The following ETS1 variants were observed in gnomAD, a reference collection of about 807,000 sequenced individuals.
ETS1 encodes the protein protein C-ets-1.
Under a neutral mutation model 58.6 loss-of-function variants are expected in ETS1, and 15 were observed. The ratio of observed to expected loss-of-function variants is 0.26; its 90% CI spans 0.17 to 0.39. ETS1 has a LOEUF of 0.39. ETS1 is among the 10% of genes least tolerant of loss of function. The pLI, the probability that ETS1 is intolerant of heterozygous loss-of-function variation, is 1.00. For missense variants in ETS1, 417 were observed against 610.5 expected, an observed-to-expected ratio of 0.68 and a Z score of 3.34; for synonymous variants, 214 against 218.2, an observed-to-expected ratio of 0.98 and a Z score of 0.17.
At chr11:128,576,680 C>A (rs140598254) in intron 1 of ETS1, among the ~76,000 whole-genome samples, 1 of 151,836 alleles carries the variant, frequency 6.6e-6, no homozygotes, top group Non-Finnish European at 1.5e-5. Context: ...CTTGCTGTGC[C>A]CCCCCATGCT....
In ETS1 at chr11:128,572,992, A is replaced by T. The variant is rs1219381636; in HGVS notation, c.69+70T>A. ...GCTTCTCTGTCTACTGGGGGTCAGG[A>T]TACAGGAAGCACAAGGAGGAGGGGA... is the stretch of plus-strand genomic sequence containing the variant. On this transcript the variant is annotated intron_variant, in intron 2 of 9. Coordinates refer to ENST00000392668, the MANE Select transcript of ETS1 (RefSeq NM_001143820.2). 3 of 1,268,808 alleles carry T rather than the reference A, an allele frequency of 2.4e-6. No homozygotes were observed. In the African/African-American group the frequency reaches 4.4e-5, roughly 19 times the overall value. The allele number at this position is 1,268,808 out of a possible 1,614,324, so 78.6% of individuals were successfully genotyped here. A position where few individuals can be genotyped will look rare whatever the true frequency, so the allele number is the denominator to read the frequency against.
chr11:128,462,865 C>A (rs1358224588), intron 9 of ETS1, among the ~76,000 whole-genome samples: 1 of 152,176 alleles, frequency 6.6e-6, no homozygotes, highest in African/African-American at 2.4e-5. Flanking sequence ...AAACAAAAAG[C>A]CACACTATAC....
At chr11:128,527,816 C>CAAACTTTGT (rs1177539328) in intron 3 of ETS1, among the ~76,000 whole-genome samples, 1 of 152,214 alleles carries the variant, frequency 6.6e-6, no homozygotes, top group Non-Finnish European at 1.5e-5. Context: ...GTTACAAAGA[C>CAAACTTTGT]AACATCAAAC....
rs191313892 is a variant in ETS1, at chr11:128,543,048, G to A, written c.214+13243C>T. Among the ~76,000 whole-genome samples, 184 of 151,906 alleles carry A rather than the reference G, an allele frequency of 1.2e-3. 1 individual carries two copies. The highest frequency in any genetic ancestry group is 3.9e-3 in the African/African-American group (160 of 41,426). ...AAATTAGCCGGGCATGGTGGCAAGC[G>A]ACTGTAATCCCAGCTACTCGGGTAA... is the stretch of plus-strand genomic sequence containing the variant. On this transcript the variant is annotated intron_variant, in intron 3 of 9. Coordinates refer to ENST00000392668, the MANE Select transcript of ETS1 (RefSeq NM_001143820.2).
In ETS1 at chr11:128,462,043, G is replaced by A; in HGVS notation, c.*318C>T. The A allele has an allele frequency of 3.8e-6, 1 of 266,230 alleles. No homozygotes were observed. The highest frequency in any genetic ancestry group is 1.2e-3 in the Middle Eastern group (1 of 804). 16.5% of individuals were successfully genotyped at this position (266,230 alleles called of 1,614,324 possible). A position where few individuals can be genotyped will look rare whatever the true frequency, so the allele number is the denominator to read the frequency against. On this transcript the variant is annotated 3_prime_UTR_variant, in exon 10 of 10. Transcript: ENST00000392668. ...CCACAACTCAAGACACTTTTTCATG[G>A]ATGATTTTTAAAAATGATTGGACAC...
intron 2 of ETS1, among the ~76,000 whole-genome samples, chr11:128,565,270 A>G (rs1298701108): frequency 3.3e-5 from 5 of 152,342 alleles, no homozygotes; most frequent in Non-Finnish European, 5.9e-5. Context: ...CACTGAGGAC[A>G]CAGCGTTCAT....
intron 3 of ETS1, among the ~76,000 whole-genome samples, chr11:128,553,200 C>T (rs905200846): frequency 2.0e-5 from 3 of 152,102 alleles, no homozygotes; most frequent in Non-Finnish European, 2.9e-5. Context: ...TCGCTAATGG[C>T]TCCAGGCTGA....
At chr11:128,583,359 GA>G (rs1864914016) in intron 1 of ETS1, among the ~76,000 whole-genome samples, 1 of 152,198 alleles carries the variant, frequency 6.6e-6, no homozygotes, top group South Asian at 2.1e-4. Context: ...CCATATGCCA[GA>G]TGCACATCTG....
At chr11:128,556,651 T>C (rs1322541117) in intron 2 of ETS1, among the ~76,000 whole-genome samples, 1 of 152,186 alleles carries the variant, frequency 6.6e-6, no homozygotes, top group Non-Finnish European at 1.5e-5. Flanking sequence ...TATGAATTTA[T>C]CTTCCTCCAT....
Position 128,502,690 on chromosome 11 carries a change from T to C in ETS1, c.215-12114A>G, listed in dbSNP as rs558345261. On this transcript the variant is annotated intron_variant, in intron 3 of 9. Coordinates refer to ENST00000392668, the MANE Select transcript of ETS1 (RefSeq NM_001143820.2). The stretch of plus-strand genomic sequence containing the variant: ...TGGAATTTCATCTTTTGCTCTAACA[T>C]GGCTTTGGAGAGATACTCAATTTTA... Among the ~76,000 whole-genome samples, 9 of 152,378 alleles carry C rather than the reference T, an allele frequency of 5.9e-5. No individual in the cohort carries two copies. In the South Asian group the frequency reaches 1.0e-3, roughly 18 times the overall value.
intron 6 of ETS1, among the ~76,000 whole-genome samples, chr11:128,485,757 A>T (rs998084549): frequency 1.3e-5 from 2 of 152,200 alleles, no homozygotes; most frequent in Non-Finnish European, 2.9e-5. Context: ...TCTTTTGGCC[A>T]TCGTAGTGCA....
intron 8 of ETS1, among the ~76,000 whole-genome samples, chr11:128,472,188 G>T (rs1049397902): frequency 6.6e-6 from 1 of 152,136 alleles, no homozygotes; most frequent in Non-Finnish European, 1.5e-5. Flanking sequence ...AGAGAACCTA[G>T]CCTTGAGAGG....
At position 128,549,715 on chromosome 11, in the gene ETS1, A is replaced by G. The variant is rs1864200011; in HGVS notation, c.214+6576T>C. Among the ~76,000 whole-genome samples the G allele has an allele frequency of 6.6e-6, 1 of 151,992 alleles. No homozygotes were observed. Among genetic ancestry groups the G allele is most frequent in the African/African-American group, 2.4e-5 (1 of 41,360 alleles). On this transcript the variant is annotated intron_variant, in intron 3 of 9. Coordinates refer to ENST00000392668, the MANE Select transcript of ETS1 (RefSeq NM_001143820.2). The surrounding 1 kb of genome is among the most constrained non-coding windows in gnomAD (Gnocchi z 4.3). Reference sequence around the variant, plus strand: ...TCCTTCCCGGGGACCTAAAGGGGTGATTTACATTTGTAAAGGCCTTTCCAA... The same window carrying G: ...TCCTTCCCGGGGACCTAAAGGGGTGGTTTACATTTGTAAAGGCCTTTCCAA...
chr11:128,482,278 C>T (rs1043236545), intron 7 of ETS1, among the ~76,000 whole-genome samples: 13 of 152,122 alleles, frequency 8.5e-5, no homozygotes, highest in Non-Finnish European at 1.0e-4. Context: ...AATTCTGTGG[C>T]GTCTCATAAA....
chr11:128,575,715 C>T (rs961642045), intron 1 of ETS1, among the ~76,000 whole-genome samples: 5 of 152,200 alleles, frequency 3.3e-5, no homozygotes, highest in Non-Finnish European at 7.3e-5. Flanking sequence ...AAATAGGAAG[C>T]AGTCAGTTCT....
intron 3 of ETS1, 134 bp from the exon 4 acceptor site, chr11:128,490,710 G>A: frequency 1.8e-6 from 1 of 553,912 alleles, no homozygotes; most frequent in South Asian, 2.4e-5. Flanking sequence ...CACCAGAGCA[G>A]GCAATTTTTT....
intron 3 of ETS1, among the ~76,000 whole-genome samples, chr11:128,525,619 GAAAA>G (rs10554000): frequency 0.026 from 1,973 of 75,888 alleles, 32 homozygotes; most frequent in African/African-American, 0.091. Context: ...GTAAGATTTA[GAAAA>G]AAAAAAAAAA....
At chr11:128,546,623 C>T (rs1434981950) in intron 3 of ETS1, among the ~76,000 whole-genome samples, 1 of 152,108 alleles carries the variant, frequency 6.6e-6, no homozygotes, top group Non-Finnish European at 1.5e-5. Context: ...AAAGTCAGTA[C>T]ATGTTCAGTA....
intron 3 of ETS1, among the ~76,000 whole-genome samples, chr11:128,501,783 T>C (rs1863096278): frequency 6.6e-6 from 1 of 152,228 alleles, no homozygotes; most frequent in African/African-American, 2.4e-5. Flanking sequence ...CACATATCTT[T>C]GTCTTGACCA....
Sources: allele counts gnomAD v4.1 joint callset (sites outside exome capture counted in the v4.1 genomes callset), GRCh38; gene constraint gnomAD v4.1.1; non-coding constraint Gnocchi (gnomAD v3.1); transcripts MANE v1.5; gene names NCBI Gene and HGNC (gene_info 2026-07-23, HGNC 2026-07-21).